The following ARID4B variants were observed in gnomAD, a reference collection of about 807,000 sequenced individuals.
ARID4B encodes AT-rich interactive domain-containing protein 4B.
In ARID4B, 26 loss-of-function variants were observed where a neutral mutation model predicts 147.5. That is an observed-to-expected ratio of 0.18 (90% CI 0.13 to 0.24). The LOEUF is 0.24. ARID4B is among the 10% of genes least tolerant of loss of function. ARID4B has a pLI of 1.00. For missense variants in ARID4B, 1,179 were observed against 1,511.5 expected (o/e 0.78, Z 3.65); for synonymous variants, 512 against 507.9 (o/e 1.01, Z -0.11).
At chr1:235,267,145 G>A (rs117582361) in intron 2 of ARID4B, among the ~76,000 whole-genome samples, 1 of 152,244 alleles carries the variant, frequency 6.6e-6, no homozygotes, top group East Asian at 1.9e-4. Flanking sequence ...AGGCATAGTG[G>A]CATGCACGTA....
intron 6 of ARID4B, among the ~76,000 whole-genome samples, chr1:235,249,895 G>A (rs1364537123): frequency 6.7e-6 from 1 of 150,076 alleles, no homozygotes; most frequent in Admixed American, 6.7e-5. Context: ...AGCCGAGATC[G>A]TGCCACTGCA....
chr1:235,195,166 G>A (rs1358908881), intron 18 of ARID4B, among the ~76,000 whole-genome samples: 1 of 152,010 alleles, frequency 6.6e-6, no homozygotes, highest in Non-Finnish European at 1.5e-5. Flanking sequence ...TATCATTCCA[G>A]ATGCATAGAA....
At chr1:235,250,246 G>A (rs769271551) in intron 6 of ARID4B, among the ~76,000 whole-genome samples, 1 of 152,152 alleles carries the variant, frequency 6.6e-6, no homozygotes, top group Non-Finnish European at 1.5e-5. Flanking sequence ...AATGGGATTA[G>A]TGACCCAAAA....
intron 2 of ARID4B, chr1:235,326,649 C>CCGTTATTCCTCTTTAATGCCTCCTTTA (rs1675289150): frequency 2.1e-6 from 1 of 483,278 alleles, no homozygotes; most frequent in Admixed American, 3.5e-5. Flanking sequence ...CACTTTAATT[C>CCGTTATTCCTCTTTAATGCCTCCTTTA]ATGCCGTTAT....
chr1:235,227,146 C>A (rs1467024367), intron 11 of ARID4B, among the ~76,000 whole-genome samples: 3 of 152,110 alleles, frequency 2.0e-5, no homozygotes, highest in Non-Finnish European at 4.4e-5. Context: ...TACAGAGGTA[C>A]TAGCATATGC....
At chr1:235,217,429 C>A (rs1273449892) in intron 16 of ARID4B, among the ~76,000 whole-genome samples, 1 of 149,444 alleles carries the variant, frequency 6.7e-6, no homozygotes, top group Non-Finnish European at 1.5e-5. Context: ...CATATACATA[C>A]ATACACTCAC....
intron 2 of ARID4B, among the ~76,000 whole-genome samples, chr1:235,294,163 C>G (rs976966529): frequency 6.6e-6 from 1 of 151,908 alleles, no homozygotes; most frequent in African/African-American, 2.4e-5. Context: ...ACCTGGCCAC[C>G]TGGAAAATTG....
chr1:235,286,886 C>A (rs762053485), intron 2 of ARID4B, among the ~76,000 whole-genome samples: 1 of 152,140 alleles, frequency 6.6e-6, no homozygotes, highest in Non-Finnish European at 1.5e-5. Context: ...CAATGGCTTG[C>A]ACTAATGCTG....
chr1:235,181,293 A>G (rs186159356), intron 20 of ARID4B: 559 of 564,408 alleles, frequency 9.9e-4, no homozygotes, highest in Non-Finnish European at 1.3e-3. Context: ...CACTGCATAT[A>G]ATGAATTCTC....
rs78845488 is a variant in ARID4B at position 235,305,946 on chromosome 1, C to T, written c.6+20968G>A. Among the ~76,000 whole-genome samples the T allele has an allele frequency of 1.3e-3, 194 of 152,244 alleles. 2 individuals carry two copies. Among genetic ancestry groups the T allele is most frequent in the African/African-American group, 4.3e-3 (178 of 41,540 alleles). The stretch of plus-strand genomic sequence containing the variant: ...CTATATTCCTGCCCAGGCAACAGAG[C>T]AAGAAACTCTGTCTTCAAATAAGAA... On this transcript the variant is annotated intron_variant, in intron 2 of 23. Coordinates refer to ENST00000264183, the MANE Select transcript of ARID4B (RefSeq NM_016374.6).
At chr1:235,197,123 CA>C (rs936811406) in intron 17 of ARID4B, among the ~76,000 whole-genome samples, 73 of 141,690 alleles carry the variant, frequency 5.2e-4, no homozygotes, top group East Asian at 6.1e-4. Flanking sequence ...TTGTTTAAAG[CA>C]AAAAAAAAAG....
chr1:235,253,547 T>C (rs1292971156), intron 5 of ARID4B, among the ~76,000 whole-genome samples: 1 of 152,218 alleles, frequency 6.6e-6, no homozygotes, highest in Non-Finnish European at 1.5e-5. Context: ...TACTTCACAA[T>C]ATATTTGCCT....
At chr1:235,268,344 AAT>A (rs139483700) in intron 2 of ARID4B, among the ~76,000 whole-genome samples, 6,040 of 147,714 alleles carry the variant, frequency 0.041, 453 homozygotes, top group African/African-American at 0.14. Flanking sequence ...ATGATTGTAT[AAT>A]ATATATATAT....
chr1:235,249,068 C>G (rs1486912451), intron 6 of ARID4B, among the ~76,000 whole-genome samples: 1 of 152,236 alleles, frequency 6.6e-6, no homozygotes, highest in Admixed American at 6.5e-5. Flanking sequence ...CGCGGTGGCT[C>G]ACGCCTGTAA....
At chr1:235,187,104 G>A (rs1259105841) in intron 19 of ARID4B, 6 of 326,516 alleles carry the variant, frequency 1.8e-5, no homozygotes, top group East Asian at 2.2e-4. Flanking sequence ...TTTTGTAGAC[G>A]GAGTTTCACT....
In ARID4B at chr1:235,240,293, T is replaced by G. The variant is rs1572056248; in HGVS notation, c.585+20A>C. The G allele has an allele frequency of 6.3e-7, 1 of 1,596,242 alleles. No homozygotes were observed. The highest frequency in any genetic ancestry group is 1.8e-5 in the Admixed American group (1 of 56,132). On this transcript the variant is annotated intron_variant, in intron 8 of 23. Transcript: ENST00000264183. Reference sequence around the variant, plus strand: ...CTTATAAAGTTTGAAATTAAACTCTTGTATACTGAAGCTACTCACCAATGC... The same window carrying G: ...CTTATAAAGTTTGAAATTAAACTCTGGTATACTGAAGCTACTCACCAATGC...
chr1:235,245,796 C>T (rs1015443958), intron 7 of ARID4B, among the ~76,000 whole-genome samples: 1 of 152,022 alleles, frequency 6.6e-6, no homozygotes, highest in African/African-American at 2.4e-5. Context: ...TTAATTTTCA[C>T]AACAACACTA....
chr1:235,223,405 A>G (rs571069183), intron 12 of ARID4B, 145 bp from the exon 13 acceptor site: 2 of 169,640 alleles, frequency 1.2e-5, no homozygotes, highest in South Asian at 2.7e-4. Flanking sequence ...ATGTGTGTGT[A>G]TATATACATA....
At chr1:235,216,859 G>T (rs1667127252) in intron 16 of ARID4B, among the ~76,000 whole-genome samples, 1 of 151,908 alleles carries the variant, frequency 6.6e-6, no homozygotes, top group South Asian at 2.1e-4. Flanking sequence ...GTGGGGAAAA[G>T]AAGCATATTT....
Sources: gnomAD v4.1 joint callset for allele counts (sites outside exome capture counted in the v4.1 genomes callset) on GRCh38, gnomAD v4.1.1 for gene constraint, MANE v1.5 for transcripts, NCBI Gene and HGNC (gene_info 2026-07-23, HGNC 2026-07-21) for gene names.